The following FNBP1 variants were observed in gnomAD, a reference collection of about 807,000 sequenced individuals.
The protein encoded by FNBP1 is formin binding protein 1.
Under a neutral mutation model 90.6 loss-of-function variants are expected in FNBP1, and 26 were observed. That is an observed-to-expected ratio of 0.29 (90% CI 0.21 to 0.40). The LOEUF is 0.40. Among genes scored for constraint, FNBP1 ranks in the 10% least tolerant of loss-of-function variants. The pLI is 1.00. For missense variants in FNBP1, 635 were observed against 768.0 expected, an observed-to-expected ratio of 0.83 and a Z score of 2.05; for synonymous variants, 260 against 265.2, an observed-to-expected ratio of 0.98 and a Z score of 0.19.
chr9:130,002,765 C>A (rs1264214135), intron 1 of FNBP1, among the ~76,000 whole-genome samples: 3 of 152,166 alleles, frequency 2.0e-5, no homozygotes, highest in African/African-American at 7.2e-5. Context: ...TCTAAGATTG[C>A]CAAGAGGACT....
intron 11 of FNBP1, chr9:129,915,020 A>T: frequency 3.3e-6 from 1 of 305,172 alleles, no homozygotes. Context: ...CTAGGCATAT[A>T]CAATTAAGTA....
Position 129,966,732 on chromosome 9 carries a change from AAACAACAACAAC to A in FNBP1, c.346-8191_346-8180del, listed in dbSNP as rs550427768. 1.9e-4 allele frequency among the ~76,000 whole-genome samples: 29 copies of A among 151,134 alleles called. No homozygotes were observed. The highest frequency in any genetic ancestry group is 2.9e-4 in the Non-Finnish European group (20 of 67,814). On this transcript the variant is annotated intron_variant, in intron 4 of 16. Transcript: ENST00000446176. The surrounding 1 kb of genome is among the most constrained non-coding windows in gnomAD (Gnocchi z 4.3). Reference sequence around the variant, plus strand: ...TGGGTGATGGAGCGAGACTCCGTCTAAACAACAACAACAACAACAACAACAACAACAAAAGAA... The same window carrying A: ...TGGGTGATGGAGCGAGACTCCGTCTAAACAACAACAACAACAACAAAAGAA...
intron 10 of FNBP1, among the ~76,000 whole-genome samples, chr9:129,923,547 C>G (rs1419984550): frequency 2.0e-5 from 3 of 150,844 alleles, no homozygotes; most frequent in Admixed American, 6.6e-5. Flanking sequence ...CCACTGCACT[C>G]CAGCCTGGTG....
chr9:129,915,972 G>T lies in FNBP1; in HGVS notation c.1179C>A (p.Leu393=). 1 of 1,607,904 alleles carries T rather than the reference G, an allele frequency of 6.2e-7. No individual in the cohort carries two copies. The highest frequency in any genetic ancestry group is 8.5e-7 in the Non-Finnish European group (1 of 1,175,130). The change falls in exon 11 of 17, where the codon CTC becomes CTA. Residue 393 remains leucine (L), a synonymous_variant. Transcript: ENST00000446176. ...ATGGAACAATTGTGCTTACCAGCTT[G>T]AGAGAAAGCTTCATGTAAAAATTGG... ...CFRSLKRGLS[L]KLGATPEDFS...
chr9:129,990,384 G>A (rs1053994189), intron 2 of FNBP1, among the ~76,000 whole-genome samples: 1 of 152,156 alleles, frequency 6.6e-6, no homozygotes, highest in Non-Finnish European at 1.5e-5. Context: ...AAGCAGGAGA[G>A]GGAGTCAGCC....
In FNBP1 at chr9:129,925,016, G is replaced by C. The variant is rs1256141387; in HGVS notation, c.931C>G (p.Leu311Val). 2 of 1,613,818 alleles carry C rather than the reference G, an allele frequency of 1.2e-6. No individual in the cohort carries two copies. The highest frequency in any genetic ancestry group is 1.1e-5 in the South Asian group (1 of 91,062). Residue 311 changes from leucine to valine, a missense_variant, in exon 9 of 17, where the codon CTC (leucine) becomes GTC (valine). Leu to Val is a conservative substitution (Grantham distance 32, BLOSUM62 1). Transcript: ENST00000446176. ...SNSRGEGKPDLKFGGKSKGKL... is the reference protein window; with the variant it reads ...SNSRGEGKPDVKFGGKSKGKL... ...CCTTTGGATTTGCCACCAAATTTGA[G>C]GTCTGGTTTGCCTTCTCCTCTGGAA...
upstream of FNBP1, chr9:130,043,214 T>G: frequency 3.0e-6 from 1 of 338,080 alleles, no homozygotes. Flanking sequence ...CCGCCCGCCC[T>G]ACACCCGGAG....
At chr9:130,022,152 C>A (rs1237310838) in intron 1 of FNBP1, among the ~76,000 whole-genome samples, 1 of 152,104 alleles carries the variant, frequency 6.6e-6, no homozygotes, top group Non-Finnish European at 1.5e-5. Flanking sequence ...AGCCATTGCA[C>A]CCAGCCTCTT....
chr9:129,986,399 T>C (rs967626073), intron 2 of FNBP1, among the ~76,000 whole-genome samples: 1 of 151,952 alleles, frequency 6.6e-6, no homozygotes, highest in African/African-American at 2.4e-5. Flanking sequence ...GACTAAAATA[T>C]ACCACTATAG....
At chr9:130,047,873 A>G (rs933442696), upstream of FNBP1, among the ~76,000 whole-genome samples, 17 of 152,198 alleles carry the variant, frequency 1.1e-4, no homozygotes, top group African/African-American at 3.9e-4. Flanking sequence ...TTAGGTGGAC[A>G]GATATTTATA....
intron 6 of FNBP1, among the ~76,000 whole-genome samples, chr9:129,943,065 T>A (rs562218448): frequency 6.6e-6 from 1 of 152,324 alleles, no homozygotes; most frequent in South Asian, 2.1e-4. Context: ...GAGTCCCCTG[T>A]CCTGGCAGGC....
chr9:130,026,296 C>T (rs1031163478), intron 1 of FNBP1, among the ~76,000 whole-genome samples: 18 of 151,944 alleles, frequency 1.2e-4, no homozygotes, highest in African/African-American at 4.4e-4. Context: ...GAGTACGAGA[C>T]CAGCCTGGCC....
intron 4 of FNBP1, among the ~76,000 whole-genome samples, chr9:129,960,092 T>A (rs1032708515): frequency 6.6e-6 from 1 of 152,096 alleles, no homozygotes; most frequent in African/African-American, 2.4e-5. Flanking sequence ...CAGAGTTGTT[T>A]CTAGGTTTGG....
At chr9:129,943,631 C>T (rs1449855875) in intron 6 of FNBP1, among the ~76,000 whole-genome samples, 2 of 152,064 alleles carry the variant, frequency 1.3e-5, no homozygotes, top group Non-Finnish European at 2.9e-5. Flanking sequence ...AAATGATCTG[C>T]CCACCTTGGC....
chr9:130,022,717 T>A (rs572359), intron 1 of FNBP1, among the ~76,000 whole-genome samples: 5 of 152,112 alleles, frequency 3.3e-5, no homozygotes, highest in Non-Finnish European at 7.4e-5. Flanking sequence ...GTGTGCAGTA[T>A]GCTGGTGTGC....
chr9:130,015,555 C>A (rs1359064737), intron 1 of FNBP1, among the ~76,000 whole-genome samples: 1 of 152,236 alleles, frequency 6.6e-6, no homozygotes, highest in Non-Finnish European at 1.5e-5. Flanking sequence ...TACACACTCA[C>A]CAACAGTATA....
intron 6 of FNBP1, among the ~76,000 whole-genome samples, chr9:129,946,397 T>C (rs1384233730): frequency 6.6e-6 from 1 of 152,198 alleles, no homozygotes; most frequent in Non-Finnish European, 1.5e-5. Context: ...TCAGTGCTCA[T>C]GGTCAGATTT....
chr9:130,049,132 T>A, the FNBP1 span, among the ~76,000 whole-genome samples: 1 of 149,966 alleles, frequency 6.7e-6, no homozygotes, highest in African/African-American at 2.5e-5. Context: ...CTCATGCCTG[T>A]AATCCCAACA....
chr9:129,914,940 C>T (rs924339625), intron 11 of FNBP1: 2 of 461,434 alleles, frequency 4.3e-6, no homozygotes, highest in East Asian at 6.6e-5. Flanking sequence ...AACTATTATA[C>T]ATATTTGAAG....
Sources: gnomAD v4.1 joint callset for allele counts (sites outside exome capture counted in the v4.1 genomes callset) on GRCh38, gnomAD v4.1.1 for gene constraint, Gnocchi (gnomAD v3.1) non-coding constraint, MANE v1.5 for transcripts, NCBI Gene and HGNC (gene_info 2026-07-23, HGNC 2026-07-21) for gene names.